EPN2: variants seen among roughly 807,000 people sequenced by gnomAD.
The protein encoded by EPN2 is epsin 2.
Under a neutral mutation model 61.7 loss-of-function variants are expected in EPN2, and 34 were observed. The ratio of observed to expected loss-of-function variants is 0.55; its 90% CI spans 0.42 to 0.73. The LOEUF is 0.73. Among genes scored for constraint, EPN2 ranks in the 30% least tolerant of loss-of-function variants. The probability of loss-of-function intolerance (pLI) is 0.00; values close to 1 mark genes in which losing one functional copy is unlikely to be tolerated. For synonymous variants in EPN2, 349 were observed against 353.6 expected, an observed-to-expected ratio of 0.99 and a Z score of 0.15; for missense variants, 714 against 839.2, an observed-to-expected ratio of 0.85 and a Z score of 1.84.
intron 7 of EPN2, among the ~76,000 whole-genome samples, chr17:19,327,178 C>T (rs767355905): frequency 1.3e-5 from 2 of 152,096 alleles, no homozygotes; most frequent in Admixed American, 6.5e-5. Context: ...CCCAGCAACT[C>T]GTGTATACAT....
chr17:19,261,020 C>T (rs1173607214), intron 1 of EPN2, among the ~76,000 whole-genome samples: 3 of 152,204 alleles, frequency 2.0e-5, no homozygotes, highest in Admixed American at 6.5e-5. Flanking sequence ...AGGAAAGGCA[C>T]CTGGCTGTTT....
chr17:19,271,182 G>T (rs2045249377), intron 1 of EPN2, among the ~76,000 whole-genome samples: 1 of 152,162 alleles, frequency 6.6e-6, no homozygotes, highest in Non-Finnish European at 1.5e-5. Flanking sequence ...GGGCAGGAGA[G>T]AAACAGATAA....
At position 19,283,310 on chromosome 17, in the gene EPN2, T is replaced by C; in HGVS notation, c.191T>C (p.Leu64Pro). 6.2e-7 allele frequency: 1 copy of C among 1,614,098 alleles called. No individual in the cohort carries two copies. The highest frequency in any genetic ancestry group is 8.5e-7 in the Non-Finnish European group (1 of 1,180,024). The change falls in exon 3 of 11, where the codon CTG becomes CCG. Residue 64 changes from leucine to proline, a missense_variant. Transcript: ENST00000314728. This position sits in a 1 kb window ranked among gnomAD's most constrained non-coding sequence, Gnocchi z 7.0. ...ATCATGAGCATGGTGTGGAAGCGGC[T>C]GAATGACCATGGCAAGAACTGGCGG... Reference protein sequence around the residue: ...SEIMSMVWKRLNDHGKNWRHV... With the variant: ...SEIMSMVWKRPNDHGKNWRHV...
chr17:19,287,125 G>A (rs987682473), intron 4 of EPN2, among the ~76,000 whole-genome samples: 11 of 152,040 alleles, frequency 7.2e-5, no homozygotes, highest in African/African-American at 2.7e-4. Context: ...GTTAAATACA[G>A]CCTGGCAGGC....
At chr17:19,242,819 A>T (rs1268170135) in intron 1 of EPN2, among the ~76,000 whole-genome samples, 1 of 152,242 alleles carries the variant, frequency 6.6e-6, no homozygotes, top group Non-Finnish European at 1.5e-5. Context: ...CTAATGCATG[A>T]TGTGGATTTA....
At position 19,285,936 on chromosome 17, in the gene EPN2, CCT is replaced by C; in HGVS notation, c.766+152_766+153del. ...CCAGCAGGCCCAGGAGCCCTTTCTTCCTCTCTCCTGGGAGCTTGTGGCCTGGT... is the reference window on the plus strand; with the variant it reads ...CCAGCAGGCCCAGGAGCCCTTTCTTCCTCTCCTGGGAGCTTGTGGCCTGGT... On this transcript the variant is annotated intron_variant, in intron 4 of 10. Transcript: ENST00000314728. This position sits in a 1 kb window ranked among gnomAD's most constrained non-coding sequence, Gnocchi z 4.5. 1.4e-6 allele frequency: 2 copies of C among 1,397,022 alleles called. No individual in the cohort carries two copies. Among genetic ancestry groups the C allele is most frequent in the Non-Finnish European group, 1.9e-6 (2 of 1,067,404 alleles). The allele number at this position is 1,397,022 out of a possible 1,614,324, so 86.5% of individuals were successfully genotyped here. A position where few individuals can be genotyped will look rare whatever the true frequency, so the allele number is the denominator to read the frequency against.
At chr17:19,264,821 C>G (rs1469370710) in intron 1 of EPN2, among the ~76,000 whole-genome samples, 1 of 152,086 alleles carries the variant, frequency 6.6e-6, no homozygotes, top group African/African-American at 2.4e-5. Flanking sequence ...CCAGGCCCAG[C>G]ATGCAGCATC....
intron 5 of EPN2, among the ~76,000 whole-genome samples, chr17:19,311,044 C>T (rs1906113376): frequency 1.3e-5 from 2 of 152,142 alleles, no homozygotes; most frequent in South Asian, 2.1e-4. Flanking sequence ...ACAGGGATTC[C>T]TCTCCTCTAT....
intron 10 of EPN2, among the ~76,000 whole-genome samples, chr17:19,333,675 C>T (rs1037646208): frequency 6.6e-6 from 1 of 152,148 alleles, no homozygotes; most frequent in Non-Finnish European, 1.5e-5. Context: ...GCAGAGGAGC[C>T]AGGGTGCCCC....
At chr17:19,292,520 A>T (rs1395621813) in intron 4 of EPN2, among the ~76,000 whole-genome samples, 4 of 152,304 alleles carry the variant, frequency 2.6e-5, no homozygotes, top group Middle Eastern at 3.4e-3. Context: ...GCGTTAGCTT[A>T]CTCTAGAGAG....
In EPN2 at chr17:19,279,050, T is replaced by C. The variant is rs76650099; in HGVS notation, c.-293-2905T>C. On this transcript the variant is annotated intron_variant, in intron 1 of 10. Transcript: ENST00000314728. ...GGCCTTATTTCGTTTTTTTTTACTA[T>C]AACCAGTATTTTATTATTTTATTAG... Among the ~76,000 whole-genome samples the C allele has an allele frequency of 6.5e-3, 988 of 152,346 alleles. 53 individuals carry two copies. The East Asian group carries it at 0.12, about 18-fold the overall frequency.
At chr17:19,315,306 T>C (rs1906333756) in intron 7 of EPN2, among the ~76,000 whole-genome samples, 1 of 152,032 alleles carries the variant, frequency 6.6e-6, no homozygotes, top group Non-Finnish European at 1.5e-5. Flanking sequence ...AGCAATACCA[T>C]GTTGAGAGCA....
intron 1 of EPN2, among the ~76,000 whole-genome samples, chr17:19,257,017 T>G (rs1211154964): frequency 1.3e-5 from 2 of 152,194 alleles, no homozygotes; most frequent in Middle Eastern, 3.2e-3. Context: ...CTTTCTTGAT[T>G]TAAAAGAATA....
chr17:19,313,319 G>A (rs1024313685), intron 7 of EPN2, 40 bp downstream of exon 7: 4 of 1,488,612 alleles, frequency 2.7e-6, no homozygotes, highest in Non-Finnish European at 3.6e-6. Context: ...TTGCCTGCTG[G>A]ATGGGTGAGG....
intron 1 of EPN2, among the ~76,000 whole-genome samples, chr17:19,238,190 G>A (rs916404272): frequency 8.5e-5 from 13 of 152,220 alleles, no homozygotes; most frequent in African/African-American, 3.1e-4. Flanking sequence ...TTTGTTCCGC[G>A]TGGGATGGCA....
intron 9 of EPN2, 73 bp from the exon 10 acceptor site, chr17:19,331,780 G>A: frequency 7.4e-7 from 1 of 1,343,638 alleles, no homozygotes. Flanking sequence ...AGGAGGCCAT[G>A]TTTTGTGTTA....
chr17:19,315,998 T>G (rs1015551337), intron 7 of EPN2, among the ~76,000 whole-genome samples: 2 of 152,226 alleles, frequency 1.3e-5, no homozygotes, highest in African/African-American at 4.8e-5. Context: ...TGTGGACTTT[T>G]GTGCCTGGCT....
intron 1 of EPN2, among the ~76,000 whole-genome samples, chr17:19,239,150 T>A (rs949485596): frequency 1.2e-4 from 18 of 152,226 alleles, no homozygotes; most frequent in African/African-American, 3.9e-4. Flanking sequence ...CTTTTAAATT[T>A]TTTATTTATT....
At chr17:19,251,537 G>T (rs1414491695) in intron 1 of EPN2, among the ~76,000 whole-genome samples, 1 of 152,032 alleles carries the variant, frequency 6.6e-6, no homozygotes, top group Non-Finnish European at 1.5e-5. Flanking sequence ...AGGTTCAAGC[G>T]ATCCTCTTGC....
Sources: gnomAD v4.1 joint callset for allele counts (sites outside exome capture counted in the v4.1 genomes callset) on GRCh38, gnomAD v4.1.1 for gene constraint, Gnocchi (gnomAD v3.1) non-coding constraint, MANE v1.5 for transcripts, NCBI Gene and HGNC (gene_info 2026-07-23, HGNC 2026-07-21) for gene names.